TPX2: variants seen among roughly 807,000 people sequenced by gnomAD.
TPX2 encodes TPX2 microtubule nucleation factor.
TPX2 carries 21 observed loss-of-function variants against 93.6 expected under a neutral mutation model. The observed-to-expected ratio is 0.22, with a 90% CI of 0.16 to 0.32. TPX2 has a LOEUF of 0.32. Ranked by LOEUF, TPX2 falls within the 10% of genes least tolerant of loss-of-function variation. The probability of loss-of-function intolerance (pLI) is 1.00; values close to 1 mark genes in which losing one functional copy is unlikely to be tolerated. For synonymous variants in TPX2, 281 were observed against 298.3 expected (o/e 0.94, Z 0.60); for missense variants, 776 against 871.1 (o/e 0.89, Z 1.37).
At chr20:31,795,792 A>G (rs1427660241) in intron 15 of TPX2, among the ~76,000 whole-genome samples, 12 of 152,198 alleles carry the variant, frequency 7.9e-5, no homozygotes, top group Admixed American at 7.9e-4. Flanking sequence ...TAAAACAATT[A>G]ATTGGTTATT....
intron 5 of TPX2, among the ~76,000 whole-genome samples, chr20:31,767,520 A>G (rs2061935660): frequency 6.6e-6 from 1 of 152,000 alleles, no homozygotes; most frequent in African/African-American, 2.4e-5. Context: ...CTATATAGGC[A>G]TAAACCACCG....
At position 31,801,288 on chromosome 20, in the gene TPX2, G is replaced by GT. The variant is rs1207770023; in HGVS notation, c.*209dup. 1 of 523,536 alleles carries GT rather than the reference G, an allele frequency of 1.9e-6. No individual in the cohort carries two copies. The highest frequency in any genetic ancestry group is 3.2e-5 in the Admixed American group (1 of 30,858). 32.4% of individuals were successfully genotyped at this position (523,536 alleles called of 1,614,324 possible). A position where few individuals can be genotyped will look rare whatever the true frequency, so the allele number is the denominator to read the frequency against. On this transcript the variant is annotated 3_prime_UTR_variant, in exon 18 of 18. Coordinates refer to ENST00000300403, the MANE Select transcript of TPX2 (RefSeq NM_012112.5). ...ACATTACTAAGGCTAATAATGAGATGTAACTCATGAATGTCTCGATTAGAC... is the reference window on the plus strand; with the variant it reads ...ACATTACTAAGGCTAATAATGAGATGTTAACTCATGAATGTCTCGATTAGAC...
intron 12 of TPX2, among the ~76,000 whole-genome samples, chr20:31,786,892 A>G (rs2062070698): frequency 6.6e-6 from 1 of 152,134 alleles, no homozygotes; most frequent in African/African-American, 2.4e-5. Flanking sequence ...GCAAAGCACT[A>G]GGTAAGGTGT....
At chr20:31,751,990 G>A (rs988473498) in intron 2 of TPX2, among the ~76,000 whole-genome samples, 10 of 152,208 alleles carry the variant, frequency 6.6e-5, no homozygotes, top group Non-Finnish European at 1.5e-4. Context: ...TGATCCGCCT[G>A]CCTTGGCCTT....
intron 2 of TPX2, among the ~76,000 whole-genome samples, chr20:31,749,795 C>CA (rs945417887): frequency 3.4e-5 from 5 of 146,380 alleles, no homozygotes; most frequent in South Asian, 2.2e-4. Flanking sequence ...AACTCTGTCT[C>CA]AAAAAAAAAG....
chr20:31,775,948 A>T lies in TPX2; in HGVS notation c.690A>T (p.Lys230Asn). 1 of 1,599,318 alleles carries T rather than the reference A, an allele frequency of 6.3e-7. No individual in the cohort carries two copies. The highest frequency in any genetic ancestry group is 8.5e-7 in the Non-Finnish European group (1 of 1,171,404). The change falls in exon 8 of 18, where the codon AAA becomes AAT. Residue 230 changes from lysine (K) to asparagine (N), a missense_variant. By Grantham distance (94) the Lys-to-Asn change is moderately conservative (BLOSUM62 0). Coordinates refer to ENST00000300403, the MANE Select transcript of TPX2 (RefSeq NM_012112.5). Reference protein sequence around the residue: ...KMQQEVVEMRKKNEEFKKLAL... With the variant: ...KMQQEVVEMRNKNEEFKKLAL... ...AGCAAGAGGTGGTGGAGATGCGGAA[A>T]AAGAATGAAGAATTCAAGAAACTTG...
chr20:31,800,170 T>C (rs537963618), intron 17 of TPX2, among the ~76,000 whole-genome samples: 1 of 152,266 alleles, frequency 6.6e-6, no homozygotes, highest in East Asian at 1.9e-4. Context: ...ATAGGAAGGT[T>C]CCACGGACAC....
At chr20:31,788,184 A>G in intron 12 of TPX2, among the ~76,000 whole-genome samples, 1 of 152,144 alleles carries the variant, frequency 6.6e-6, no homozygotes, top group Non-Finnish European at 1.5e-5. Context: ...TGGGAAGCCA[A>G]GGTGGGCTGA....
At chr20:31,769,169 C>G (rs891973755) in intron 5 of TPX2, among the ~76,000 whole-genome samples, 6 of 151,368 alleles carry the variant, frequency 4.0e-5, no homozygotes, top group Non-Finnish European at 7.4e-5. Flanking sequence ...ACTAACCTGC[C>G]CATTGTGCAC....
At chr20:31,782,727 C>A (rs1178321864) in intron 11 of TPX2, among the ~76,000 whole-genome samples, 4 of 151,764 alleles carry the variant, frequency 2.6e-5, no homozygotes, top group African/African-American at 9.7e-5. Context: ...ATCTCTACAA[C>A]AAATACCAAA....
intron 6 of TPX2, among the ~76,000 whole-genome samples, chr20:31,770,996 G>A (rs181429499): frequency 2.6e-5 from 4 of 151,614 alleles, no homozygotes; most frequent in African/African-American, 7.3e-5. Context: ...AAGATGGCTG[G>A]TGTATCTCTA....
intron 2 of TPX2, among the ~76,000 whole-genome samples, chr20:31,744,290 G>A (rs1346521669): frequency 2.0e-5 from 3 of 150,056 alleles, no homozygotes; most frequent in Non-Finnish European, 3.0e-5. Context: ...AGCCTCCCGA[G>A]TAGCTGGGAT....
chr20:31,782,531 CT>C lies in TPX2; in HGVS notation c.1196+142del, dbSNP rs1351973886. 4.7e-6 allele frequency: 5 copies of C among 1,073,232 alleles called. No homozygotes were observed. The Admixed American group carries it at 1.5e-4, about 32-fold the overall frequency. 66.5% of individuals were successfully genotyped at this position (1,073,232 alleles called of 1,614,324 possible). A position where few individuals can be genotyped will look rare whatever the true frequency, so the allele number is the denominator to read the frequency against. ...GTAGTAGGCTCTGCAGGCTACGCCC[CT>C]GCCTATATGATTTAAGGACTATAGT... On this transcript the variant is annotated intron_variant, in intron 11 of 17. Coordinates refer to ENST00000300403, the MANE Select transcript of TPX2 (RefSeq NM_012112.5).
chr20:31,776,712 A>G (rs971999812), intron 8 of TPX2, among the ~76,000 whole-genome samples: 1 of 151,766 alleles, frequency 6.6e-6, no homozygotes, highest in Non-Finnish European at 1.5e-5. Context: ...GTTTTAGTAG[A>G]GATGGGATTT....
At chr20:31,762,871 G>A (rs1366471572) in intron 4 of TPX2, among the ~76,000 whole-genome samples, 2 of 151,724 alleles carry the variant, frequency 1.3e-5, no homozygotes, top group Admixed American at 1.3e-4. Context: ...AGAATTCCTG[G>A]GCTTAAACAA....
intron 12 of TPX2, among the ~76,000 whole-genome samples, chr20:31,785,218 G>A (rs1042627094): frequency 2.0e-5 from 3 of 151,988 alleles, no homozygotes; most frequent in Admixed American, 2.0e-4. Flanking sequence ...TGATGCATAT[G>A]TACTATATGC....
rs568514762 is a variant in TPX2 at position 31,766,790 on chromosome 20, T to C, written c.356+108T>C. 2.5e-5 allele frequency: 28 copies of C among 1,129,586 alleles called. No homozygotes were observed. The East Asian group carries it at 7.4e-4, about 30-fold the overall frequency. The allele number at this position is 1,129,586 out of a possible 1,614,324, so 70.0% of individuals were successfully genotyped here. On this transcript the variant is annotated intron_variant, in intron 5 of 17. Coordinates refer to ENST00000300403, the MANE Select transcript of TPX2 (RefSeq NM_012112.5). ...TATACTGTGTTTATGGACACCTTTA[T>C]GTTACTTTTTTTTTTTTTTTTTTTT...
intron 12 of TPX2, among the ~76,000 whole-genome samples, chr20:31,791,755 G>A (rs749351550): frequency 2.0e-5 from 3 of 152,206 alleles, no homozygotes; most frequent in Non-Finnish European, 4.4e-5. Context: ...AAACTTTAGG[G>A]AAGAGCAGAA....
chr20:31,800,878 A>G lies in TPX2; in HGVS notation c.2134-92A>G, dbSNP rs73239974. The stretch of plus-strand genomic sequence containing the variant: ...TAGTGACTGGGACCTGTAAAACTCT[A>G]CAAACATTTTCTCAAAAAGAAAAAA... On this transcript the variant is annotated intron_variant, in intron 17 of 17. Transcript: ENST00000300403. The G allele has an allele frequency of 4.2e-4, 460 of 1,095,338 alleles. 1 individual carries two copies. The African/African-American group carries it at 6.1e-3, about 14-fold the overall frequency. The allele number at this position is 1,095,338 out of a possible 1,614,324, so 67.9% of individuals were successfully genotyped here. A position where few individuals can be genotyped will look rare whatever the true frequency, so the allele number is the denominator to read the frequency against.
Sources: allele counts gnomAD v4.1 joint callset (sites outside exome capture counted in the v4.1 genomes callset), GRCh38; gene constraint gnomAD v4.1.1; transcripts MANE v1.5; gene names NCBI Gene and HGNC (gene_info 2026-07-23, HGNC 2026-07-21).